Variants in DOCK7 observed in about 807,000 individuals in gnomAD.
DOCK7 encodes the protein dedicator of cytokinesis 7, also known as dedicator of cytokinesis protein 7.
A neutral mutation model predicts 271.0 loss-of-function variants in DOCK7; 138 were observed. The observed-to-expected ratio is 0.51, with a 90% CI of 0.44 to 0.59. The LOEUF (loss-of-function observed/expected upper bound fraction) is 0.59, where lower values mean the gene tolerates loss of function less well. Ranked by LOEUF, DOCK7 falls within the 20% of genes least tolerant of loss-of-function variation. DOCK7 has a pLI of 0.00. For missense variants in DOCK7, 2,066 were observed against 2,592.4 expected, an observed-to-expected ratio of 0.80 and a Z score of 4.41; for synonymous variants, 823 against 876.1, an observed-to-expected ratio of 0.94 and a Z score of 1.07.
chr1:62,599,270 A>G (rs1649754528), intron 14 of DOCK7, among the ~76,000 whole-genome samples: 1 of 151,966 alleles, frequency 6.6e-6, no homozygotes, highest in Non-Finnish European at 1.5e-5. Context: ...TGACCGCTTT[A>G]CCAGTATTCA....
At chr1:62,669,619 G>C (rs1196709520) in intron 1 of DOCK7, among the ~76,000 whole-genome samples, 1 of 152,332 alleles carries the variant, frequency 6.6e-6, no homozygotes, top group East Asian at 1.9e-4. Context: ...CAATACCAAA[G>C]TCACAGCACC....
Position 62,638,546 on chromosome 1 carries a change from AATAT to A in DOCK7, c.819-1947_819-1944del, listed in dbSNP as rs1343876788. 4.1e-5 allele frequency among the ~76,000 whole-genome samples: 6 copies of A among 147,774 alleles called. No individual in the cohort carries two copies. In the South Asian group the frequency reaches 1.3e-3, roughly 32 times the overall value. Reference sequence around the variant, plus strand: ...ATATATATGAATATATATTTTCATGAATATATATATTTTTTCATGAATATATATT... The same window carrying A: ...ATATATATGAATATATATTTTCATGAATATATTTTTTCATGAATATATATT... On this transcript the variant is annotated intron_variant, in intron 7 of 49. Coordinates refer to ENST00000635253, the MANE Select transcript of DOCK7 (RefSeq NM_001367561.1).
chr1:62,522,974 G>A (rs1033264880), intron 31 of DOCK7, among the ~76,000 whole-genome samples: 17 of 151,766 alleles, frequency 1.1e-4, no homozygotes, highest in African/African-American at 3.1e-4. Context: ...TATCAAGCAC[G>A]AATAATAAAT....
chr1:62,458,716 T>C (rs1461896148), intron 48 of DOCK7: 3 of 152,070 alleles, frequency 2.0e-5, no homozygotes, highest in African/African-American at 7.3e-5. Context: ...TTATTTTTAG[T>C]AGAGACGGGT....
At chr1:62,484,499 C>T (rs1045334811) in intron 43 of DOCK7, 4 of 151,946 alleles carry the variant, frequency 2.6e-5, no homozygotes, top group Non-Finnish European at 5.9e-5. Flanking sequence ...CTTTTTTAAC[C>T]CTGACCCTAA....
intron 4 of DOCK7, among the ~76,000 whole-genome samples, chr1:62,653,305 G>A (rs1323436100): frequency 6.6e-6 from 1 of 152,126 alleles, no homozygotes; most frequent in Non-Finnish European, 1.5e-5. Flanking sequence ...ATAAATATTA[G>A]TTAGAAACAG....
intron 49 of DOCK7, among the ~76,000 whole-genome samples, chr1:62,456,916 C>T (rs1279825542): frequency 6.6e-6 from 1 of 152,128 alleles, no homozygotes; most frequent in Admixed American, 6.5e-5. Context: ...ATCTTCAATA[C>T]TTGTATGTAA....
Position 62,508,055 on chromosome 1 carries a change from T to G in DOCK7, c.4383A>C (p.Ser1461=). Residue 1461 remains serine, a synonymous_variant, in exon 35 of 50, where the codon TCA becomes TCC. Transcript: ENST00000635253. ...GTGCTTCGTGTTCAATCTCTGCTCT[T>G]GATCTAATACAAAATATTGTAAGAA... ...WRQNTEKLDK[S]RAEIEHEALI... 6.2e-7 allele frequency: 1 copy of G among 1,605,356 alleles called. No individual in the cohort carries two copies. The highest frequency in any genetic ancestry group is 1.3e-5 in the African/African-American group (1 of 74,580).
chr1:62,473,825 T>C (rs1188788067), intron 48 of DOCK7, among the ~76,000 whole-genome samples, 157 bp downstream of exon 48: 1 of 152,140 alleles, frequency 6.6e-6, no homozygotes, highest in Non-Finnish European at 1.5e-5. Flanking sequence ...CCTCAAATGA[T>C]TCTTCTGCCT....
intron 14 of DOCK7, chr1:62,604,635 G>A (rs1433233788): frequency 1.9e-6 from 3 of 1,612,910 alleles, no homozygotes; most frequent in African/African-American, 2.7e-5. Context: ...TCCTTTAGGA[G>A]GCTGGTGGTG....
intron 36 of DOCK7, 35 bp from the exon 37 acceptor site, chr1:62,504,817 T>C (rs370485734): frequency 1.7e-4 from 271 of 1,603,020 alleles, no homozygotes; most frequent in Non-Finnish European, 2.2e-4. Context: ...CACTGAATTT[T>C]TACAGTAAAA....
intron 12 of DOCK7, among the ~76,000 whole-genome samples, chr1:62,620,373 A>G (rs1653025829): frequency 6.6e-6 from 1 of 151,808 alleles, no homozygotes; most frequent in Non-Finnish European, 1.5e-5. Flanking sequence ...AAATAAATTT[A>G]TAGTTTGTTA....
At chr1:62,553,246 G>C (rs1241751762) in intron 21 of DOCK7, among the ~76,000 whole-genome samples, 1 of 142,324 alleles carries the variant, frequency 7.0e-6, no homozygotes, top group Non-Finnish European at 1.5e-5. Context: ...TGTTGGCCAG[G>C]CTGGTCTCAA....
chr1:62,563,545 A>G (rs969866927), intron 18 of DOCK7, among the ~76,000 whole-genome samples: 3 of 152,164 alleles, frequency 2.0e-5, no homozygotes, highest in African/African-American at 7.2e-5. Context: ...AAAAAAACAG[A>G]AAAATACAAG....
chr1:62,462,959 T>A (rs187863051), intron 48 of DOCK7, among the ~76,000 whole-genome samples: 126 of 129,324 alleles, frequency 9.7e-4, no homozygotes, highest in Non-Finnish European at 1.7e-3. Flanking sequence ...TTGTTTAACC[T>A]ATATTGATAA....
intron 14 of DOCK7, chr1:62,601,132 GC>G (rs1650055915): frequency 6.2e-7 from 1 of 1,610,682 alleles, no homozygotes; most frequent in African/African-American, 1.3e-5. Flanking sequence ...TATCTTCCAA[GC>G]CAAGAGCACC....
rs1167481389 is a variant in DOCK7, at chr1:62,494,283, T to A, written c.5209A>T (p.Thr1737Ser). Residue 1737 changes from threonine (T) to serine (S), a missense_variant, in exon 40 of 50, where the codon ACA becomes TCA. By Grantham distance (58) the Thr-to-Ser change is moderately conservative. Coordinates refer to ENST00000635253, the MANE Select transcript of DOCK7 (RefSeq NM_001367561.1). ...ATCTGGAAGATTCCTACCTGAAATG[T>A]TACACATCCCACAGGAAGATATTTC... ...DRKYLPVGCV[T>S]FQNISSNVLE... 6.3e-7 allele frequency: 1 copy of A among 1,584,082 alleles called. No homozygotes were observed. Among genetic ancestry groups the A allele is most frequent in the Admixed American group, 1.7e-5 (1 of 59,098 alleles).
At chr1:62,556,975 C>T (rs1293695841) in intron 20 of DOCK7, among the ~76,000 whole-genome samples, 2 of 152,068 alleles carry the variant, frequency 1.3e-5, no homozygotes, top group African/African-American at 2.4e-5. Context: ...AACTAAGGTC[C>T]TCCTTAATTC....
At chr1:62,636,632 T>G in intron 7 of DOCK7, 29 bp from the exon 8 acceptor site, 1 of 1,527,894 alleles carries the variant, frequency 6.5e-7, no homozygotes, top group Middle Eastern at 1.7e-4. Flanking sequence ...TAAAATAATT[T>G]AAAGATAAAC....
Sources: gnomAD v4.1 joint callset for allele counts (sites outside exome capture counted in the v4.1 genomes callset) on GRCh38, gnomAD v4.1.1 for gene constraint, MANE v1.5 for transcripts, NCBI Gene and HGNC (gene_info 2026-07-23, HGNC 2026-07-21) for gene names.